The following TRIM24 variants were observed in gnomAD, a reference collection of about 807,000 sequenced individuals.
The protein encoded by TRIM24 is tripartite motif containing 24.
A neutral mutation model predicts 123.9 loss-of-function variants in TRIM24; 29 were observed. The observed-to-expected ratio is 0.23, with a 90% confidence interval of 0.17 to 0.32. TRIM24 has a LOEUF of 0.32. Ranked by LOEUF, TRIM24 falls within the 10% of genes least tolerant of loss-of-function variation. The probability of loss-of-function intolerance (pLI) is 1.00; values close to 1 mark genes in which losing one functional copy is unlikely to be tolerated. For missense variants in TRIM24, 932 were observed against 1,295.3 expected (o/e 0.72, Z 4.31); for synonymous variants, 456 against 461.1 (o/e 0.99, Z 0.14).
intron 1 of TRIM24, among the ~76,000 whole-genome samples, chr7:138,493,807 G>A (rs188500162): frequency 2.5e-4 from 38 of 152,222 alleles, no homozygotes; most frequent in Non-Finnish European, 4.0e-4. Flanking sequence ...GTTTATGCAT[G>A]CCAGTCTCTT....
chr7:138,572,170 T>A (rs1286816727), intron 11 of TRIM24, among the ~76,000 whole-genome samples: 2 of 152,226 alleles, frequency 1.3e-5, no homozygotes, highest in African/African-American at 2.4e-5. Context: ...ATTCCATTTT[T>A]AAAATAGTTT....
rs1796584139 is a variant in TRIM24, at chr7:138,525,234, T to C, written c.765-7T>C. 1 of 1,391,322 alleles carries C rather than the reference T, an allele frequency of 7.2e-7. No homozygotes were observed. Among genetic ancestry groups the C allele is most frequent in the African/African-American group, 1.5e-5 (1 of 66,330 alleles). 86.2% of individuals were successfully genotyped at this position (1,391,322 alleles called of 1,614,324 possible). A position where few individuals can be genotyped will look rare whatever the true frequency, so the allele number is the denominator to read the frequency against. On this transcript the variant is annotated splice_polypyrimidine_tract_variant and splice_region_variant and intron_variant, in intron 4 of 18. Transcript: ENST00000343526. ...TTTTATATGAAATAATTTGCTTATT[T>C]CTTCAGATACCAATTTATAGAAGAA...
At chr7:138,584,323 T>C (rs1227517392) in intron 18 of TRIM24, among the ~76,000 whole-genome samples, 1 of 152,228 alleles carries the variant, frequency 6.6e-6, no homozygotes, top group Non-Finnish European at 1.5e-5. Flanking sequence ...GTGGGCCAAA[T>C]AGCTCTAATT....
At chr7:138,529,906 A>G (rs753764462) in intron 6 of TRIM24, among the ~76,000 whole-genome samples, 2 of 152,210 alleles carry the variant, frequency 1.3e-5, no homozygotes, top group Admixed American at 6.5e-5. Context: ...GTTGACATAG[A>G]AAGCATATTG....
intron 1 of TRIM24, among the ~76,000 whole-genome samples, chr7:138,471,571 C>T (rs1795273136): frequency 1.3e-5 from 2 of 151,752 alleles, no homozygotes; most frequent in Non-Finnish European, 2.9e-5. Flanking sequence ...GACAGAGTCT[C>T]ACTCTGTCAT....
Position 138,538,673 on chromosome 7 carries a change from A to G in TRIM24, c.1013A>G (p.His338Arg). The G allele has an allele frequency of 6.2e-7, 1 of 1,614,174 alleles. No homozygotes were observed. The highest frequency in any genetic ancestry group is 2.2e-5 in the East Asian group (1 of 44,870). ...LHQLESLAKD[H>R]RMKLMQQQQE... is the part of the protein sequence containing the mutation. Reference sequence around the variant, plus strand: ...TGTTTTCAGAGCCTTGCAAAGGACCATCGCATGAAACTTATGCAACAACAA... The same window carrying G: ...TGTTTTCAGAGCCTTGCAAAGGACCGTCGCATGAAACTTATGCAACAACAA... Residue 338 changes from histidine to arginine, a missense_variant, in exon 7 of 19, where the codon CAT becomes CGT. Physicochemically the swap from His to Arg is conservative, Grantham distance 29. This residue lies in a region of TRIM24 where 527 missense variants were observed against 691.3 expected (regional missense o/e 0.76). Transcript: ENST00000343526.
chr7:138,489,070 T>C (rs1795720191), intron 1 of TRIM24, among the ~76,000 whole-genome samples: 1 of 152,212 alleles, frequency 6.6e-6, no homozygotes, highest in Non-Finnish European at 1.5e-5. Flanking sequence ...AGTTAGCTTT[T>C]CTTGTTGAAT....
intron 7 of TRIM24, among the ~76,000 whole-genome samples, chr7:138,547,999 G>T (rs1449953860): frequency 6.6e-6 from 1 of 152,100 alleles, no homozygotes; most frequent in Non-Finnish European, 1.5e-5. Flanking sequence ...TTGAATATAG[G>T]GTGTAAGAAA....
intron 1 of TRIM24, among the ~76,000 whole-genome samples, chr7:138,481,539 G>A (rs1453089311): frequency 6.6e-6 from 1 of 151,774 alleles, no homozygotes; most frequent in African/African-American, 2.4e-5. Flanking sequence ...TTCTGGGCTG[G>A]GCGCTGTAGC....
At chr7:138,573,387 GGTATCTAT>G in intron 11 of TRIM24, 112 bp from the exon 12 acceptor site, 1 of 909,220 alleles carries the variant, frequency 1.1e-6, no homozygotes, top group Non-Finnish European at 1.5e-6. Flanking sequence ...TCTCAAATGT[GGTATCTAT>G]GTTTTGTTAT....
intron 10 of TRIM24, among the ~76,000 whole-genome samples, chr7:138,570,328 A>T (rs1300933474): frequency 1.3e-5 from 2 of 152,172 alleles, no homozygotes; most frequent in Non-Finnish European, 2.9e-5. Context: ...GCCTATCATC[A>T]TCTTAATGTG....
At chr7:138,480,402 G>A (rs1401299672) in intron 1 of TRIM24, among the ~76,000 whole-genome samples, 1 of 152,142 alleles carries the variant, frequency 6.6e-6, no homozygotes, top group Admixed American at 6.5e-5. Context: ...TAACATTGAA[G>A]GGATCATCCA....
At chr7:138,530,672 G>T (rs1338272875) in intron 6 of TRIM24, among the ~76,000 whole-genome samples, 1 of 151,526 alleles carries the variant, frequency 6.6e-6, no homozygotes, top group African/African-American at 2.4e-5. Context: ...TTGACACGTT[G>T]GCTCAGGCTG....
chr7:138,505,524 TGTTG>T (rs1398487211), intron 2 of TRIM24, among the ~76,000 whole-genome samples: 5 of 146,108 alleles, frequency 3.4e-5, no homozygotes, highest in African/African-American at 1.4e-4. Context: ...TTGTTGTTGT[TGTTG>T]TTGTTGTTGT....
chr7:138,480,125 T>G (rs74960805), intron 1 of TRIM24, among the ~76,000 whole-genome samples: 42 of 6,864 alleles, frequency 6.1e-3, no homozygotes, highest in Middle Eastern at 0.056. Context: ...GGGCCATGAA[T>G]TAAGTTTTTA....
Position 138,504,283 on chromosome 7 carries a change from T to C in TRIM24, c.365-7T>C, listed in dbSNP as rs1452205073. 1.3e-6 allele frequency: 2 copies of C among 1,575,880 alleles called. No homozygotes were observed. The highest frequency in any genetic ancestry group is 1.7e-6 in the Non-Finnish European group (2 of 1,166,092). On this transcript the variant is annotated splice_polypyrimidine_tract_variant and splice_region_variant and intron_variant, in intron 1 of 18. Coordinates refer to ENST00000343526, the MANE Select transcript of TRIM24 (RefSeq NM_015905.3). Reference sequence around the variant, plus strand: ...TAAAACTTAGAATATAATTTTGTTTTTCCCAGTTGGAGTCATTCGTTGCCC... The same window carrying C: ...TAAAACTTAGAATATAATTTTGTTTCTCCCAGTTGGAGTCATTCGTTGCCC...
chr7:138,524,249 A>G (rs146260286), intron 4 of TRIM24, among the ~76,000 whole-genome samples: 308 of 152,332 alleles, frequency 2.0e-3, no homozygotes, highest in African/African-American at 6.8e-3. Context: ...AAGATTATTT[A>G]TGGAAAGCAG....
chr7:138,462,415 A>T (rs1795014081), intron 1 of TRIM24, among the ~76,000 whole-genome samples: 2 of 140,180 alleles, frequency 1.4e-5, no homozygotes, highest in Admixed American at 1.6e-4. Flanking sequence ...ATCTCGGCTC[A>T]CTGCAAGCTC....
chr7:138,463,282 T>C (rs908870535), intron 1 of TRIM24, among the ~76,000 whole-genome samples: 1 of 151,382 alleles, frequency 6.6e-6, no homozygotes. Flanking sequence ...CTTACCTTCC[T>C]ACCTCGCTTT....
Sources: gnomAD v4.1 joint callset for allele counts (sites outside exome capture counted in the v4.1 genomes callset) on GRCh38, gnomAD v4.1.1 for gene constraint, gnomAD v4.1.1 regional missense constraint, MANE v1.5 for transcripts, NCBI Gene and HGNC (gene_info 2026-07-23, HGNC 2026-07-21) for gene names.